EMB: variants seen among roughly 807,000 people sequenced by gnomAD.
EMB encodes the protein embigin homolog.
Under a neutral mutation model 41.4 loss-of-function variants are expected in EMB, and 31 were observed. The ratio of observed to expected loss-of-function variants is 0.75; its 90% CI spans 0.56 to 1.01. The LOEUF (loss-of-function observed/expected upper bound fraction) is 1.01, where lower values mean the gene tolerates loss of function less well. Ranked by LOEUF, EMB falls within the 50% of genes least tolerant of loss-of-function variation. The pLI is 0.00. For missense variants in EMB, 379 were observed against 388.3 expected (o/e 0.98, Z 0.20); for synonymous variants, 137 against 140.4 (o/e 0.98, Z 0.17).
At chr5:50,434,044 T>C (rs1745765516) in intron 1 of EMB, among the ~76,000 whole-genome samples, 1 of 152,220 alleles carries the variant, frequency 6.6e-6, no homozygotes, top group Non-Finnish European at 1.5e-5. Flanking sequence ...GTTTAGGGCT[T>C]ACTCTAATTT....
chr5:50,432,573 A>G (rs1164093460), intron 1 of EMB, among the ~76,000 whole-genome samples: 2 of 152,032 alleles, frequency 1.3e-5, no homozygotes, highest in Non-Finnish European at 2.9e-5. Flanking sequence ...TAAAATACCT[A>G]ATTACTAAGT....
At position 50,411,429 on chromosome 5, in the gene EMB, A is replaced by C. The variant is rs1435698567; in HGVS notation, c.197-46T>G. 1.1e-5 allele frequency: 15 copies of C among 1,329,624 alleles called. No individual in the cohort carries two copies. In the Admixed American group the frequency reaches 3.6e-4, roughly 32 times the overall value. The allele number at this position is 1,329,624 out of a possible 1,614,324, so 82.4% of individuals were successfully genotyped here. The stretch of plus-strand genomic sequence containing the variant: ...AAAATGTGAAAGTTATATTCAGAGG[A>C]ATCTAACACATAAAACCTTTTATAT... On this transcript the variant is annotated intron_variant, in intron 2 of 8. Transcript: ENST00000303221.
At chr5:50,422,336 G>A (rs1012032285) in intron 2 of EMB, among the ~76,000 whole-genome samples, 8 of 152,128 alleles carry the variant, frequency 5.3e-5, no homozygotes, top group Admixed American at 3.3e-4. Flanking sequence ...GGTGTTATTC[G>A]ATGAATATTC....
Position 50,397,182 on chromosome 5 carries a change from TA to T in EMB, c.*2090del, listed in dbSNP as rs1745083724. 6.6e-6 allele frequency: 1 copy of T among 152,162 alleles called. No individual in the cohort carries two copies. The highest frequency in any genetic ancestry group is 2.4e-5 in the African/African-American group (1 of 41,446). 9.4% of individuals were successfully genotyped at this position (152,162 alleles called of 1,614,324 possible). A position where few individuals can be genotyped will look rare whatever the true frequency, so the allele number is the denominator to read the frequency against. The stretch of plus-strand genomic sequence containing the variant: ...CGGCTTATTATTTGCAGTCAATTTA[TA>T]TTTGGTCAATATTAGTTAATTCATT... On this transcript the variant is annotated 3_prime_UTR_variant, in exon 9 of 9. Coordinates refer to ENST00000303221, the MANE Select transcript of EMB (RefSeq NM_198449.3).
intron 5 of EMB, among the ~76,000 whole-genome samples, chr5:50,403,813 C>T (rs1055491571): frequency 2.0e-5 from 3 of 151,872 alleles, no homozygotes; most frequent in African/African-American, 7.2e-5. Flanking sequence ...AGTACTTTTT[C>T]CTTCACAAGC....
upstream of EMB, among the ~76,000 whole-genome samples, chr5:50,441,759 T>G (rs1165408081): frequency 1.3e-5 from 2 of 152,188 alleles, no homozygotes; most frequent in African/African-American, 4.8e-5. Flanking sequence ...TCTGAAGGCT[T>G]AACTGATTTT....
At chr5:50,431,937 G>A (rs967268187) in intron 1 of EMB, among the ~76,000 whole-genome samples, 1 of 152,062 alleles carries the variant, frequency 6.6e-6, no homozygotes, top group Non-Finnish European at 1.5e-5. Flanking sequence ...CTACTTAAAT[G>A]TTTTTCACAT....
In EMB at chr5:50,410,813, G is replaced by A. The variant is rs1300502411; in HGVS notation, c.472+64C>T. 4 of 996,168 alleles carry A rather than the reference G, an allele frequency of 4.0e-6. No homozygotes were observed. The African/African-American group carries it at 6.8e-5, about 17-fold the overall frequency. 61.7% of individuals were successfully genotyped at this position (996,168 alleles called of 1,614,324 possible). On this transcript the variant is annotated intron_variant, in intron 4 of 8. Transcript: ENST00000303221. ...TGTAAAAATAATTTTAAAATTACAG[G>A]ATTGAGAAATCTAAGAACATAATGC... is the stretch of plus-strand genomic sequence containing the variant.
intron 2 of EMB, among the ~76,000 whole-genome samples, chr5:50,427,508 A>AT (rs1554025329): frequency 2.0e-5 from 3 of 148,648 alleles, no homozygotes; most frequent in Non-Finnish European, 4.4e-5. Flanking sequence ...TATTATTATT[A>AT]TATTATTATT....
Position 50,410,915 on chromosome 5 carries a change from C to T in EMB, c.434G>A (p.Arg145Gln), listed in dbSNP as rs775615504. The change falls in exon 4 of 9, where the codon CGA becomes CAA. Residue 145 changes from arginine (R) to glutamine (Q), a missense_variant. Coordinates refer to ENST00000303221, the MANE Select transcript of EMB (RefSeq NM_198449.3). ...TGTTCCCCTTTGTTCCTTTTCCTCTCGAAAGAAACAAGAATAACTTCCCAT... is the reference window on the plus strand; with the variant it reads ...TGTTCCCCTTTGTTCCTTTTCCTCTTGAAAGAAACAAGAATAACTTCCCAT... Reference protein sequence around the residue: ...KQMGSYSCFFREEKEQRGTFN... With the variant: ...KQMGSYSCFFQEEKEQRGTFN... 3.1e-5 allele frequency: 49 copies of T among 1,605,078 alleles called. No individual in the cohort carries two copies. Among genetic ancestry groups the T allele is most frequent in the South Asian group, 9.0e-5 (8 of 89,114 alleles).
At chr5:50,410,193 A>G (rs1309973765) in intron 4 of EMB, among the ~76,000 whole-genome samples, 7 of 152,142 alleles carry the variant, frequency 4.6e-5, no homozygotes, top group Non-Finnish European at 1.0e-4. Flanking sequence ...CCCAAATACC[A>G]GCACGATAAT....
At chr5:50,440,969 C>T in intron 1 of EMB, 71 bp downstream of exon 1, 1 of 1,127,328 alleles carries the variant, frequency 8.9e-7, no homozygotes, top group Non-Finnish European at 1.1e-6. Context: ...CCGGCGATGC[C>T]CTCTGCCCGC....
At chr5:50,422,122 T>C (rs1329473107) in intron 2 of EMB, among the ~76,000 whole-genome samples, 3 of 152,138 alleles carry the variant, frequency 2.0e-5, no homozygotes, top group Non-Finnish European at 2.9e-5. Flanking sequence ...TAAAAAGATA[T>C]GTTTTTAAAA....
At chr5:50,428,429 T>A in intron 1 of EMB, 1 of 1,204,616 alleles carries the variant, frequency 8.3e-7, no homozygotes, top group Non-Finnish European at 1.0e-6. Context: ...TTTTTTTTCT[T>A]TTTTAACCTA....
intron 4 of EMB, 26 bp downstream of exon 4, chr5:50,410,851 C>G: frequency 7.3e-7 from 1 of 1,365,636 alleles, no homozygotes; most frequent in Non-Finnish European, 1.0e-6. Context: ...AAGTTATTAA[C>G]TATTCCTCAA....
At chr5:50,416,087 C>T (rs1745426507) in intron 2 of EMB, among the ~76,000 whole-genome samples, 1 of 152,156 alleles carries the variant, frequency 6.6e-6, no homozygotes, top group Non-Finnish European at 1.5e-5. Flanking sequence ...GTTTGCTTTC[C>T]TTCCTGTCAA....
chr5:50,433,132 A>T (rs1745750160), intron 1 of EMB, among the ~76,000 whole-genome samples: 1 of 152,132 alleles, frequency 6.6e-6, no homozygotes, highest in Non-Finnish European at 1.5e-5. Context: ...TATAAGTCAG[A>T]CTTTCTAAGT....
intron 7 of EMB, among the ~76,000 whole-genome samples, chr5:50,401,657 G>T (rs1383712124): frequency 1.3e-5 from 2 of 151,882 alleles, no homozygotes; most frequent in Non-Finnish European, 2.9e-5. Flanking sequence ...ACCTCCTCAT[G>T]CTTAACTCTA....
chr5:50,411,866 A>G (rs1745343944), intron 2 of EMB: 2 of 152,226 alleles, frequency 1.3e-5, no homozygotes, highest in South Asian at 2.1e-4. Flanking sequence ...GATATATTAT[A>G]TTCTAACCAT....
Sources: allele counts gnomAD v4.1 joint callset (sites outside exome capture counted in the v4.1 genomes callset), GRCh38; gene constraint gnomAD v4.1.1; transcripts MANE v1.5; gene names NCBI Gene and HGNC (gene_info 2026-07-23, HGNC 2026-07-21).